Variants in NFE2L2 observed in about 807,000 individuals in gnomAD.
The protein encoded by NFE2L2 is nuclear factor erythroid 2-related factor 2.
A neutral mutation model predicts 49.6 loss-of-function variants in NFE2L2; 20 were observed. The observed-to-expected ratio is 0.40, with a 90% CI of 0.28 to 0.59. The LOEUF is 0.59. Ranked by LOEUF, NFE2L2 falls within the 20% of genes least tolerant of loss-of-function variation. The pLI, the probability that NFE2L2 is intolerant of heterozygous loss-of-function variation, is 0.40. For missense variants in NFE2L2, 578 were observed against 714.2 expected (o/e 0.81, Z 2.17); for synonymous variants, 244 against 256.5 (o/e 0.95, Z 0.47).
intron 1 of NFE2L2, among the ~76,000 whole-genome samples, chr2:177,238,409 T>TC (rs1462528613): frequency 2.6e-5 from 4 of 152,242 alleles, no homozygotes; most frequent in East Asian, 1.9e-4. Context: ...TAATTTCCTT[T>TC]CCCCCCCTTT....
chr2:177,252,928 T>G (rs1272186917), intron 1 of NFE2L2, among the ~76,000 whole-genome samples: 1 of 152,208 alleles, frequency 6.6e-6, no homozygotes, highest in Non-Finnish European at 1.5e-5. Context: ...TAACTTCCTA[T>G]CCACATCCAG....
chr2:177,243,845 A>C (rs1315797661), intron 1 of NFE2L2, among the ~76,000 whole-genome samples: 1 of 152,202 alleles, frequency 6.6e-6, no homozygotes, highest in African/African-American at 2.4e-5. Context: ...TAAAAGTAAT[A>C]ATAAGTCAGT....
chr2:177,244,313 A>G (rs1157513866), intron 1 of NFE2L2, among the ~76,000 whole-genome samples: 5 of 152,082 alleles, frequency 3.3e-5, no homozygotes, highest in East Asian at 3.9e-4. Flanking sequence ...AAAAAAAAAA[A>G]AAAGTTAAAA....
At position 177,231,976 on chromosome 2, in the gene NFE2L2, C is replaced by G; in HGVS notation, c.627G>C (p.Glu209Asp). Residue 209 changes from glutamate (E) to aspartate (D), a missense_variant, in exon 5 of 5, where the codon GAG (glutamate) becomes GAC (aspartate). Physicochemically the swap from Glu to Asp is conservative, Grantham distance 45. This residue lies in a region of NFE2L2 where 368 missense variants were observed against 384.6 expected (regional missense o/e 0.96). Coordinates refer to ENST00000397062, the MANE Select transcript of NFE2L2 (RefSeq NM_006164.5). Reference sequence around the variant, plus strand: ...CTTCTGGACTTGGAACCATGGTAGTCTCAACCAGCTTGTCATTTTCAATAT... The same window carrying G: ...CTTCTGGACTTGGAACCATGGTAGTGTCAACCAGCTTGTCATTTTCAATAT... The part of the protein sequence containing the change: ...CLNIENDKLV[E>D]TTMVPSPEAK... 6.2e-7 allele frequency: 1 copy of G among 1,610,740 alleles called. No individual in the cohort carries two copies.
chr2:177,231,282 A>T lies in NFE2L2; in HGVS notation c.1321T>A (p.Phe441Ile), dbSNP rs775407894. 2.5e-6 allele frequency: 4 copies of T among 1,614,206 alleles called. No homozygotes were observed. Among genetic ancestry groups the T allele is most frequent in the Non-Finnish European group, 3.4e-6 (4 of 1,180,030 alleles). The change falls in exon 5 of 5, where the codon TTC (phenylalanine) becomes ATC (isoleucine). Residue 441 changes from phenylalanine to isoleucine, a missense_variant. By Grantham distance (21) the Phe-to-Ile change is conservative. Coordinates refer to ENST00000397062, the MANE Select transcript of NFE2L2 (RefSeq NM_006164.5). Reference protein sequence around the residue: ...PVSPGHRKTPFTKDKHSSRLE... With the variant: ...PVSPGHRKTPITKDKHSSRLE... ...CGGCTTGAATGTTTGTCTTTTGTGA[A>T]TGGGGTTTTCCGATGACCAGGACTT...
At chr2:177,261,980 G>A (rs759235383) in intron 1 of NFE2L2, among the ~76,000 whole-genome samples, 11 of 152,106 alleles carry the variant, frequency 7.2e-5, no homozygotes, top group Non-Finnish European at 1.2e-4. Flanking sequence ...GATGCATTTG[G>A]CTTTCAACTT....
chr2:177,234,017 G>A lies in NFE2L2; in HGVS notation c.300C>T (p.Ala100=), dbSNP rs537646923. The A allele has an allele frequency of 2.5e-6, 4 of 1,614,200 alleles. No individual in the cohort carries two copies. In the South Asian group the frequency reaches 3.3e-5, roughly 13 times the overall value. The stretch of plus-strand genomic sequence containing the variant: ...GAGTACTCTGTACCTGGGAGTAGTT[G>A]GCAGATCCACTGGTTTCTGACTGGA... ...QHIQSETSGS[A]NYSQVAHIPK... is the part of the protein sequence containing the mutation. Residue 100 remains alanine, a synonymous_variant, in exon 2 of 5, where the codon GCC becomes GCT. Coordinates refer to ENST00000397062, the MANE Select transcript of NFE2L2 (RefSeq NM_006164.5).
chr2:177,239,965 A>C (rs1442441247), intron 1 of NFE2L2, among the ~76,000 whole-genome samples: 1 of 152,044 alleles, frequency 6.6e-6, no homozygotes, highest in Non-Finnish European at 1.5e-5. Context: ...AAAAAAAAAA[A>C]AAACAGCAGA....
At chr2:177,254,412 A>G (rs1290221959) in intron 1 of NFE2L2, among the ~76,000 whole-genome samples, 1 of 152,190 alleles carries the variant, frequency 6.6e-6, no homozygotes. Flanking sequence ...ACAAGAAAGT[A>G]ATATTCTGCC....
intron 1 of NFE2L2, 121 bp from the exon 2 acceptor site, chr2:177,234,392 T>C: frequency 2.7e-6 from 3 of 1,122,550 alleles, no homozygotes; most frequent in Non-Finnish European, 3.7e-6. Context: ...ACAAATACAA[T>C]CTAAATGAGA....
At chr2:177,242,972 T>TAA in intron 1 of NFE2L2, among the ~76,000 whole-genome samples, 1 of 152,086 alleles carries the variant, frequency 6.6e-6, no homozygotes, top group African/African-American at 2.4e-5. Flanking sequence ...AGGACTTATG[T>TAA]AAGGGTTTCA....
In NFE2L2 at chr2:177,230,882, T is replaced by C; in HGVS notation, c.1721A>G (p.Lys574Arg). 6.2e-7 allele frequency: 1 copy of C among 1,613,980 alleles called. No individual in the cohort carries two copies. Among genetic ancestry groups the C allele is most frequent in the Non-Finnish European group, 8.5e-7 (1 of 1,179,974 alleles). Residue 574 changes from lysine (K) to arginine (R), a missense_variant, in exon 5 of 5, where the codon AAA becomes AGA. Lys to Arg is a conservative substitution (Grantham distance 26, BLOSUM62 2). This residue lies in a region of NFE2L2 where 117 missense variants were observed against 175.8 expected (regional missense o/e 0.67). Coordinates refer to ENST00000397062, the MANE Select transcript of NFE2L2 (RefSeq NM_006164.5). ...VFSMLRDEDG[K>R]PYSPSEYSLQ... ...GGAGTATTCACTAGGAGAATAAGGT[T>C]TTCCATCTTCATCACGTAGCATGCT...
At chr2:177,232,852 T>A (rs1456511016) in intron 3 of NFE2L2, 1 of 504,126 alleles carries the variant, frequency 2.0e-6, no homozygotes, top group Non-Finnish European at 3.5e-6. Context: ...TTATATAATA[T>A]CTAGCACAGT....
At chr2:177,236,466 T>G (rs1158308317) in intron 1 of NFE2L2, among the ~76,000 whole-genome samples, 1 of 152,220 alleles carries the variant, frequency 6.6e-6, no homozygotes, top group Non-Finnish European at 1.5e-5. Context: ...CAGTATCTAT[T>G]AAGGGCTTCC....
At chr2:177,240,490 T>A (rs919130033) in intron 1 of NFE2L2, among the ~76,000 whole-genome samples, 1 of 152,210 alleles carries the variant, frequency 6.6e-6, no homozygotes, top group Non-Finnish European at 1.5e-5. Flanking sequence ...TCTTGTCCTT[T>A]AGTGATTCCT....
In NFE2L2 at chr2:177,232,418, C is replaced by T; in HGVS notation, c.568G>A (p.Glu190Lys). 1 of 1,613,598 alleles carries T rather than the reference C, an allele frequency of 6.2e-7. No homozygotes were observed. The highest frequency in any genetic ancestry group is 8.5e-7 in the Non-Finnish European group (1 of 1,179,762). ...MQQDIEQVWEELLSIPELQCL... is the reference protein window; with the variant it reads ...MQQDIEQVWEKLLSIPELQCL... ...TGTAACTCAGGAATGGATAATAGCT[C>T]CTCCCAAACTTGCTCAATGTCCTGT... Residue 190 changes from glutamate to lysine, a missense_variant, in exon 4 of 5, where the codon GAG becomes AAG. By Grantham distance (56) the Glu-to-Lys change is moderately conservative (BLOSUM62 1). Coordinates refer to ENST00000397062, the MANE Select transcript of NFE2L2 (RefSeq NM_006164.5).
chr2:177,253,531 G>A (rs999911052), intron 1 of NFE2L2, among the ~76,000 whole-genome samples: 1 of 152,190 alleles, frequency 6.6e-6, no homozygotes, highest in African/African-American at 2.4e-5. Flanking sequence ...AAGATTCCTA[G>A]GGTGTGTAGA....
At chr2:177,247,684 C>CAAAA (rs57701650) in intron 1 of NFE2L2, among the ~76,000 whole-genome samples, 1 of 56,330 alleles carries the variant, frequency 1.8e-5, no homozygotes, top group Non-Finnish European at 3.8e-5. Flanking sequence ...CCCCACCCCG[C>CAAAA]AAAAAAAAAA....
At chr2:177,240,327 G>A (rs958298004) in intron 1 of NFE2L2, among the ~76,000 whole-genome samples, 1 of 152,206 alleles carries the variant, frequency 6.6e-6, no homozygotes, top group Non-Finnish European at 1.5e-5. Flanking sequence ...GTAGAGAGAG[G>A]AAAGCAGGTA....
Sources: allele counts gnomAD v4.1 joint callset (sites outside exome capture counted in the v4.1 genomes callset), GRCh38; gene constraint gnomAD v4.1.1; regional missense constraint gnomAD v4.1.1; transcripts MANE v1.5; gene names NCBI Gene and HGNC (gene_info 2026-07-23, HGNC 2026-07-21).